Variants in NXN observed in about 807,000 individuals in gnomAD.
NXN encodes the protein nucleoredoxin 1.
A neutral mutation model predicts 48.6 loss-of-function variants in NXN; 16 were observed. The observed-to-expected ratio is 0.33, with a 90% confidence interval of 0.22 to 0.50. The LOEUF (loss-of-function observed/expected upper bound fraction) is 0.50. NXN is among the 20% of genes least tolerant of loss of function. NXN has a pLI of 0.98. For synonymous variants in NXN, 281 were observed against 269.6 expected (o/e 1.04, Z -0.41); for missense variants, 492 against 605.5 (o/e 0.81, Z 1.97).
chr17:963,771 G>C (rs1426725040), intron 1 of NXN, among the ~76,000 whole-genome samples: 1 of 152,018 alleles, frequency 6.6e-6, no homozygotes, highest in African/African-American at 2.4e-5. Flanking sequence ...GAGGATTATT[G>C]TTACAGTTAA....
chr17:968,027 T>C (rs1190823159), intron 1 of NXN, among the ~76,000 whole-genome samples: 1 of 152,122 alleles, frequency 6.6e-6, no homozygotes, highest in Non-Finnish European at 1.5e-5. Context: ...AACTGGATAT[T>C]TGCTGAAACT....
intron 1 of NXN, among the ~76,000 whole-genome samples, chr17:914,371 T>C (rs778444064): frequency 4.5e-4 from 64 of 141,080 alleles, no homozygotes; most frequent in African/African-American, 6.8e-4. Context: ...GGTTTTACCG[T>C]GTTGGCCAGG....
chr17:970,790 T>C (rs1420071371), intron 1 of NXN, among the ~76,000 whole-genome samples: 1 of 152,192 alleles, frequency 6.6e-6, no homozygotes, highest in African/African-American at 2.4e-5. Context: ...AGCTCTAACA[T>C]ACTTGGAAAA....
chr17:851,908 A>G (rs984844681), intron 1 of NXN, among the ~76,000 whole-genome samples: 2 of 152,210 alleles, frequency 1.3e-5, no homozygotes, highest in Non-Finnish European at 2.9e-5. Flanking sequence ...GAGATTAGCA[A>G]GTTTTCCAGT....
At chr17:935,205 G>A (rs186804803) in intron 1 of NXN, among the ~76,000 whole-genome samples, 1 of 152,122 alleles carries the variant, frequency 6.6e-6, no homozygotes, top group African/African-American at 2.4e-5. Flanking sequence ...TGTTGGCCAG[G>A]ATGGTCTCGA....
At chr17:871,003 C>T (rs1272242645) in intron 1 of NXN, among the ~76,000 whole-genome samples, 5 of 151,588 alleles carry the variant, frequency 3.3e-5, no homozygotes, top group East Asian at 2.0e-4. Context: ...GGACTACAGG[C>T]GCCCGCCATC....
At chr17:945,985 C>CA (rs775009135) in intron 1 of NXN, among the ~76,000 whole-genome samples, 11 of 151,946 alleles carry the variant, frequency 7.2e-5, no homozygotes, top group Non-Finnish European at 1.6e-4. Flanking sequence ...CTTTCGGCCA[C>CA]AAAAAGGCTC....
chr17:919,379 A>T lies in NXN; in HGVS notation c.360+59940T>A, dbSNP rs1597242225. 6.6e-6 allele frequency among the ~76,000 whole-genome samples: 1 copy of T among 151,016 alleles called. No individual in the cohort carries two copies. Among genetic ancestry groups the T allele is most frequent in the South Asian group, 2.1e-4 (1 of 4,678 alleles). The stretch of plus-strand genomic sequence containing the variant: ...TCTGTCTCAAAACAAAACAAAAAAA[A>T]GGTTCTGGAATGATTATTCCAATTA... On this transcript the variant is annotated intron_variant, in intron 1 of 7. Coordinates refer to ENST00000336868, the MANE Select transcript of NXN (RefSeq NM_022463.5). The surrounding 1 kb of genome is among the most constrained non-coding windows in gnomAD (Gnocchi z 5.1).
At chr17:828,018 G>T (rs927615622) in intron 1 of NXN, among the ~76,000 whole-genome samples, 6 of 152,316 alleles carry the variant, frequency 3.9e-5, no homozygotes, top group East Asian at 1.9e-4. Context: ...CAATCTGCAT[G>T]TTTTTCCCAG....
rs72810275 is a variant in NXN, at chr17:804,246, G to A, written c.1001-440C>T. 9.9e-4 allele frequency among the ~76,000 whole-genome samples: 151 copies of A among 152,038 alleles called. 1 individual carries two copies. Among genetic ancestry groups the A allele is most frequent in the Admixed American group, 4.1e-3 (62 of 15,282 alleles). ...CAGAAGAACTGGTGGTGAGCGGGAG[G>A]GGGTGAGGACTGTGGTCTGGTCAGC... On this transcript the variant is annotated intron_variant, in intron 6 of 7. Transcript: ENST00000336868.
chr17:951,088 G>A (rs940380935), intron 1 of NXN, among the ~76,000 whole-genome samples: 1 of 145,414 alleles, frequency 6.9e-6, no homozygotes, highest in Admixed American at 7.2e-5. Flanking sequence ...TGTAATCCCA[G>A]CACTTTGGGA....
chr17:868,826 G>A (rs56207182), intron 1 of NXN, among the ~76,000 whole-genome samples: 3,635 of 152,260 alleles, frequency 0.024, 130 homozygotes, highest in African/African-American at 0.083. Context: ...TCACCCCAGT[G>A]CCAGCACCGA....
At chr17:841,353 G>A (rs902927365) in intron 1 of NXN, among the ~76,000 whole-genome samples, 16 of 151,122 alleles carry the variant, frequency 1.1e-4, no homozygotes, top group Non-Finnish European at 1.8e-4. Flanking sequence ...CCCTGCCAGG[G>A]CTGGGACCCA....
chr17:911,959 G>A (rs1194225624), intron 1 of NXN, among the ~76,000 whole-genome samples: 1 of 145,642 alleles, frequency 6.9e-6, no homozygotes, highest in African/African-American at 2.6e-5. Context: ...TTTTTGAGAT[G>A]GACAGTCTCA....
At chr17:855,072 T>C (rs1271494425) in intron 1 of NXN, among the ~76,000 whole-genome samples, 1 of 150,874 alleles carries the variant, frequency 6.6e-6, no homozygotes, top group African/African-American at 2.4e-5. Context: ...AGCACAAGAG[T>C]TTGAGACCAG....
chr17:835,080 G>C (rs185264746), intron 1 of NXN, among the ~76,000 whole-genome samples: 1 of 151,352 alleles, frequency 6.6e-6, no homozygotes, highest in African/African-American at 2.4e-5. Flanking sequence ...AGGCCGAGGC[G>C]GGCGGATCAC....
intron 1 of NXN, among the ~76,000 whole-genome samples, chr17:862,013 T>C (rs2068045941): frequency 6.6e-6 from 1 of 152,120 alleles, no homozygotes; most frequent in Non-Finnish European, 1.5e-5. Flanking sequence ...GTATTTTTGA[T>C]GGAGACGGGG....
chr17:855,564 A>ACT (rs971611815), intron 1 of NXN, among the ~76,000 whole-genome samples: 10 of 151,804 alleles, frequency 6.6e-5, no homozygotes, highest in African/African-American at 1.9e-4. Context: ...AATTAGCAGA[A>ACT]CTCTCTCTCT....
intron 1 of NXN, among the ~76,000 whole-genome samples, chr17:829,235 C>T (rs184325920): frequency 6.6e-6 from 1 of 151,654 alleles, no homozygotes; most frequent in African/African-American, 2.4e-5. Flanking sequence ...TGGCTCACTG[C>T]AACCTCTGCC....
Sources: allele counts gnomAD v4.1 joint callset (sites outside exome capture counted in the v4.1 genomes callset), GRCh38; gene constraint gnomAD v4.1.1; non-coding constraint Gnocchi (gnomAD v3.1); transcripts MANE v1.5; gene names NCBI Gene and HGNC (gene_info 2026-07-23, HGNC 2026-07-21).